Variants in FSTL5 observed in about 807,000 individuals in gnomAD.
The protein encoded by FSTL5 is follistatin like 5.
A neutral mutation model predicts 89.1 loss-of-function variants in FSTL5; 62 were observed. The ratio of observed to expected loss-of-function variants is 0.70; its 90% confidence interval spans 0.57 to 0.86. FSTL5 has a LOEUF of 0.86. Ranked by LOEUF, FSTL5 falls within the 40% of genes least tolerant of loss-of-function variation. The pLI, the probability that FSTL5 is intolerant of heterozygous loss-of-function variation, is 0.00. For missense variants in FSTL5, 1,057 were observed against 1,001.6 expected (o/e 1.06, Z -0.75); for synonymous variants, 383 against 346.2 (o/e 1.11, Z -1.18).
At chr4:161,530,312 G>A (rs1437162096) in intron 10 of FSTL5, among the ~76,000 whole-genome samples, 3 of 140,758 alleles carry the variant, frequency 2.1e-5, no homozygotes, top group African/African-American at 7.6e-5. Context: ...CAAATGGCTG[G>A]ATTTTACAAT....
intron 7 of FSTL5, among the ~76,000 whole-genome samples, chr4:161,634,586 G>A (rs544990180): frequency 6.6e-6 from 1 of 152,138 alleles, no homozygotes; most frequent in Non-Finnish European, 1.5e-5. Flanking sequence ...CCTGCTGTTT[G>A]TGACAATATC....
chr4:161,651,527 G>A (rs759827268), intron 7 of FSTL5, among the ~76,000 whole-genome samples: 18 of 152,054 alleles, frequency 1.2e-4, no homozygotes, highest in Admixed American at 3.9e-4. Flanking sequence ...AGGAAGAGAA[G>A]AAAGGGGAAG....
chr4:162,013,675 C>G (rs1736833455), intron 3 of FSTL5, among the ~76,000 whole-genome samples: 1 of 152,260 alleles, frequency 6.6e-6, no homozygotes, highest in African/African-American at 2.4e-5. Flanking sequence ...GGCTTGACTT[C>G]AGACATTAGT....
intron 1 of FSTL5, among the ~76,000 whole-genome samples, chr4:162,128,108 T>C (rs1002308273): frequency 3.3e-5 from 5 of 151,822 alleles, no homozygotes; most frequent in Non-Finnish European, 7.4e-5. Flanking sequence ...TTAGAATTTA[T>C]AGAGTCCAAA....
intron 3 of FSTL5, among the ~76,000 whole-genome samples, chr4:161,992,880 A>ATGTGTGTGTGTG (rs1369369553): frequency 2.3e-4 from 3 of 12,890 alleles, no homozygotes; most frequent in African/African-American, 6.2e-4. Flanking sequence ...ATATATATAT[A>ATGTGTGTGTGTG]TATATATATA....
In FSTL5 at chr4:162,023,818, G is replaced by A. The variant is rs534166337; in HGVS notation, c.160+9807C>T. On this transcript the variant is annotated intron_variant, in intron 3 of 15. Coordinates refer to ENST00000306100, the MANE Select transcript of FSTL5 (RefSeq NM_020116.5). ...CTGCATTATCAGAATTAACCATAGGGGAAGACTTTTCCCCTACCTTCTGGC... is the reference window on the plus strand; with the variant it reads ...CTGCATTATCAGAATTAACCATAGGAGAAGACTTTTCCCCTACCTTCTGGC... 1.2e-4 allele frequency among the ~76,000 whole-genome samples: 18 copies of A among 152,222 alleles called. 1 individual carries two copies. The South Asian group carries it at 3.3e-3, about 28-fold the overall frequency.
chr4:162,055,540 T>TAGAC (rs1320352117), intron 2 of FSTL5, among the ~76,000 whole-genome samples: 18 of 151,456 alleles, frequency 1.2e-4, no homozygotes, highest in Non-Finnish European at 2.1e-4. Flanking sequence ...GATAGATAGA[T>TAGAC]AGATAGATAG....
At chr4:162,077,657 A>T (rs10003443) in intron 2 of FSTL5, among the ~76,000 whole-genome samples, 4,305 of 151,836 alleles carry the variant, frequency 0.028, 145 homozygotes, top group East Asian at 0.085. Flanking sequence ...GGTGATAATT[A>T]AAAAAATAAC....
intron 6 of FSTL5, among the ~76,000 whole-genome samples, chr4:161,756,256 A>G (rs1211367365): frequency 6.6e-6 from 1 of 152,106 alleles, no homozygotes; most frequent in African/African-American, 2.4e-5. Context: ...TTATCTAAAA[A>G]GAAAAAATTA....
chr4:161,538,143 C>T (rs371835824), intron 10 of FSTL5, 23 bp downstream of exon 10: 5 of 1,611,300 alleles, frequency 3.1e-6, no homozygotes, highest in African/African-American at 1.3e-5. Context: ...TGTGTGTGTG[C>T]TGTTGGGTGG....
At chr4:161,822,466 G>A (rs1730522200) in intron 4 of FSTL5, among the ~76,000 whole-genome samples, 1 of 152,208 alleles carries the variant, frequency 6.6e-6, no homozygotes, top group African/African-American at 2.4e-5. Flanking sequence ...GGCAGCTCCA[G>A]GCACTGGTGC....
At chr4:161,866,465 A>AGTGTCT (rs71598740) in intron 4 of FSTL5, among the ~76,000 whole-genome samples, 4 of 131,866 alleles carry the variant, frequency 3.0e-5, no homozygotes, top group Non-Finnish European at 4.8e-5. Context: ...TCTAAGCTGT[A>AGTGTCT]GTGTGTGTGT....
At chr4:162,016,448 G>A (rs751281053) in intron 3 of FSTL5, among the ~76,000 whole-genome samples, 21 of 152,172 alleles carry the variant, frequency 1.4e-4, no homozygotes, top group Non-Finnish European at 2.6e-4. Flanking sequence ...TGCAGCTGCT[G>A]AAGGAAGCAA....
chr4:162,125,421 C>A (rs1732041100), intron 1 of FSTL5, among the ~76,000 whole-genome samples: 1 of 151,876 alleles, frequency 6.6e-6, no homozygotes, highest in East Asian at 1.9e-4. Context: ...TTATTTTATT[C>A]TTGTAGAAAG....
intron 2 of FSTL5, among the ~76,000 whole-genome samples, chr4:162,061,373 A>G (rs1730806041): frequency 1.3e-5 from 2 of 152,194 alleles, no homozygotes; most frequent in Admixed American, 6.6e-5. Context: ...CCTCTGGAAT[A>G]CAAGTGGCAT....
chr4:161,793,756 G>T (rs192468582), intron 4 of FSTL5, among the ~76,000 whole-genome samples: 1 of 151,838 alleles, frequency 6.6e-6, no homozygotes, highest in Non-Finnish European at 1.5e-5. Context: ...CTACAGGTGC[G>T]TGCCACTGTG....
intron 5 of FSTL5, among the ~76,000 whole-genome samples, chr4:161,769,335 A>T (rs1176616831): frequency 6.6e-6 from 1 of 152,028 alleles, no homozygotes; most frequent in South Asian, 2.1e-4. Flanking sequence ...AACTCATTCC[A>T]TGAGACCAGT....
chr4:162,092,947 CAAAAAAAA>C (rs57860357), intron 2 of FSTL5, among the ~76,000 whole-genome samples: 1 of 80,722 alleles, frequency 1.2e-5, no homozygotes, highest in African/African-American at 5.0e-5. Flanking sequence ...GACTCTGTCT[CAAAAAAAA>C]AAAAAAAAAA....
At chr4:161,836,062 C>T (rs1463684114) in intron 4 of FSTL5, among the ~76,000 whole-genome samples, 8 of 151,946 alleles carry the variant, frequency 5.3e-5, no homozygotes, top group Admixed American at 5.2e-4. Context: ...CCCAAATGTC[C>T]AACAATGATA....
Sources: allele counts gnomAD v4.1 joint callset (sites outside exome capture counted in the v4.1 genomes callset), GRCh38; gene constraint gnomAD v4.1.1; transcripts MANE v1.5; gene names NCBI Gene and HGNC (gene_info 2026-07-23, HGNC 2026-07-21).